UBAP2: variants seen among roughly 807,000 people sequenced by gnomAD.
UBAP2 encodes ubiquitin-associated protein 2.
In UBAP2, 75 loss-of-function variants were observed where a neutral mutation model predicts 139.6. The ratio of observed to expected loss-of-function variants is 0.54; its 90% CI spans 0.45 to 0.65. UBAP2 has a LOEUF of 0.65. Ranked by LOEUF, UBAP2 falls within the 30% of genes least tolerant of loss-of-function variation. The pLI is 0.00. For missense variants in UBAP2, 1,368 were observed against 1,369.6 expected (o/e 1.00, Z 0.02); for synonymous variants, 526 against 526.2 (o/e 1.00, Z 0.01).
At chr9:33,981,314 T>TATTC (rs1820739669) in intron 6 of UBAP2, among the ~76,000 whole-genome samples, 1 of 139,152 alleles carries the variant, frequency 7.2e-6, no homozygotes, top group Admixed American at 7.7e-5. Flanking sequence ...TATATATATA[T>TATTC]ATCTAGAAAT....
intron 1 of UBAP2, among the ~76,000 whole-genome samples, chr9:34,042,204 G>A (rs1427673078): frequency 6.6e-6 from 1 of 151,894 alleles, no homozygotes; most frequent in Non-Finnish European, 1.5e-5. Context: ...CAGTAGGCTG[G>A]GGTGGTGGCT....
intron 16 of UBAP2, among the ~76,000 whole-genome samples, chr9:33,939,913 A>G: frequency 2.3e-5 from 1 of 43,282 alleles, no homozygotes; most frequent in African/African-American, 1.2e-4. Context: ...GAGGATGGGG[A>G]GGAGAAGAAG....
chr9:33,977,031 GTT>G (rs1395782123), intron 6 of UBAP2, among the ~76,000 whole-genome samples: 2 of 143,604 alleles, frequency 1.4e-5, no homozygotes, highest in Admixed American at 6.9e-5. Flanking sequence ...AAAAACAGTT[GTT>G]TTTTATTTAT....
At chr9:34,026,844 T>C (rs1196446738) in intron 1 of UBAP2, among the ~76,000 whole-genome samples, 2 of 152,202 alleles carry the variant, frequency 1.3e-5, no homozygotes, top group Non-Finnish European at 2.9e-5. Flanking sequence ...TGCACTTAAC[T>C]ATTATGCTAT....
At chr9:34,005,957 G>A (rs764556387) in intron 2 of UBAP2, among the ~76,000 whole-genome samples, 1 of 152,018 alleles carries the variant, frequency 6.6e-6, no homozygotes, top group South Asian at 2.1e-4. Flanking sequence ...CTGGCCAGGC[G>A]TGGTGGCTCA....
chr9:33,989,020 C>T lies in UBAP2; in HGVS notation c.395G>A (p.Arg132His), dbSNP rs757882261. The T allele has an allele frequency of 1.8e-5, 29 of 1,613,882 alleles. No individual in the cohort carries two copies. In the Admixed American group the frequency reaches 2.8e-4, roughly 16 times the overall value. The change falls in exon 5 of 29, where the codon CGT (arginine) becomes CAT (histidine). Residue 132 changes from arginine to histidine, a missense_variant. Coordinates refer to ENST00000379238, the MANE Select transcript of UBAP2 (RefSeq NM_001370062.2). Reference protein sequence around the residue: ...KKSEKESSRGRGNNNRKGRGG... With the variant: ...KKSEKESSRGHGNNNRKGRGG... ...TCTTCCTTTCCGGTTGTTGTTTCCA[C>T]GTCCACGACTCGATTCTTTCTCGCT...
chr9:34,034,245 T>C (rs1587693056), intron 1 of UBAP2, among the ~76,000 whole-genome samples: 1 of 152,208 alleles, frequency 6.6e-6, no homozygotes, highest in Admixed American at 6.6e-5. Flanking sequence ...AAAATATAAA[T>C]ACTGATTTAA....
At chr9:33,993,140 A>C (rs1821860825) in intron 4 of UBAP2, among the ~76,000 whole-genome samples, 1 of 152,378 alleles carries the variant, frequency 6.6e-6, no homozygotes, top group South Asian at 2.1e-4. Context: ...ATATACTTAC[A>C]TAAGAAAAAA....
intron 21 of UBAP2, 39 bp from the exon 22 acceptor site, chr9:33,926,703 A>G: frequency 6.2e-7 from 1 of 1,611,912 alleles, no homozygotes; most frequent in Non-Finnish European, 8.5e-7. Context: ...GGAACCACAT[A>G]CCACACCCTG....
At chr9:34,022,008 G>C (rs891959429) in intron 1 of UBAP2, among the ~76,000 whole-genome samples, 11 of 152,160 alleles carry the variant, frequency 7.2e-5, no homozygotes, top group African/African-American at 2.2e-4. Flanking sequence ...ACTTTGGGAA[G>C]CCAAGGCAGA....
chr9:33,951,850 A>G (rs1223535173), intron 12 of UBAP2, among the ~76,000 whole-genome samples: 1 of 152,202 alleles, frequency 6.6e-6, no homozygotes, highest in African/African-American at 2.4e-5. Context: ...AGGGCATTAC[A>G]TAATTATACC....
intron 1 of UBAP2, among the ~76,000 whole-genome samples, chr9:34,048,277 G>A (rs960350900): frequency 3.3e-5 from 5 of 152,196 alleles, no homozygotes; most frequent in Admixed American, 2.0e-4. Flanking sequence ...CGGGTGTGGA[G>A]GAAAACTGAG....
intron 8 of UBAP2, among the ~76,000 whole-genome samples, chr9:33,969,059 T>G (rs777169623): frequency 1.6e-4 from 24 of 152,062 alleles, no homozygotes; most frequent in Non-Finnish European, 2.5e-4. Context: ...TATATTTTGC[T>G]TATACATTCA....
At chr9:33,974,062 T>C (rs1219974450) in intron 6 of UBAP2, among the ~76,000 whole-genome samples, 1 of 152,032 alleles carries the variant, frequency 6.6e-6, no homozygotes, top group African/African-American at 2.4e-5. Flanking sequence ...TTTATGGGCA[T>C]GTGCCTCTAA....
intron 2 of UBAP2, among the ~76,000 whole-genome samples, chr9:34,015,829 C>A (rs1824201026): frequency 6.6e-6 from 1 of 152,022 alleles, no homozygotes; most frequent in Non-Finnish European, 1.5e-5. Flanking sequence ...CCATCATGCC[C>A]AGCTACTTTT....
chr9:33,994,184 G>A (rs370931490), intron 4 of UBAP2, among the ~76,000 whole-genome samples: 2 of 152,128 alleles, frequency 1.3e-5, no homozygotes, highest in African/African-American at 4.8e-5. Flanking sequence ...ATGAGCCGCA[G>A]TGCCCAGTCA....
chr9:33,974,721 GCAGGCGGATCACCTGAGGT>G (rs1828165991), intron 6 of UBAP2, among the ~76,000 whole-genome samples: 1 of 152,114 alleles, frequency 6.6e-6, no homozygotes, highest in African/African-American at 2.4e-5. Context: ...AGAGGCCAAG[GCAGGCGGATCACCTGAGGT>G]CAGGAGTTCA....
chr9:34,020,074 T>A (rs1379558301), intron 1 of UBAP2, among the ~76,000 whole-genome samples: 1 of 150,556 alleles, frequency 6.6e-6, no homozygotes. Context: ...GCAGGATAAT[T>A]GCTTGAACCT....
intron 6 of UBAP2, among the ~76,000 whole-genome samples, chr9:33,978,729 G>A (rs191616356): frequency 1.5e-3 from 232 of 152,062 alleles, no homozygotes; most frequent in African/African-American, 5.2e-3. Flanking sequence ...GCAATGAGCC[G>A]AGATTGTGCC....
Sources: allele counts gnomAD v4.1 joint callset (sites outside exome capture counted in the v4.1 genomes callset), GRCh38; gene constraint gnomAD v4.1.1; transcripts MANE v1.5; gene names NCBI Gene and HGNC (gene_info 2026-07-23, HGNC 2026-07-21).